ADD3: variants seen among roughly 807,000 people sequenced by gnomAD.
ADD3 encodes the protein gamma-adducin.
Under a neutral mutation model 80.2 loss-of-function variants are expected in ADD3, and 25 were observed. That is an observed-to-expected ratio of 0.31 (90% CI 0.23 to 0.44). ADD3 has a LOEUF of 0.44. Among genes scored for constraint, ADD3 ranks in the 20% least tolerant of loss-of-function variants. The pLI is 1.00. For missense variants in ADD3, 829 were observed against 847.5 expected (o/e 0.98, Z 0.27); for synonymous variants, 284 against 289.6 (o/e 0.98, Z 0.20).
In ADD3 at chr10:110,083,515, C is replaced by CAA. The variant is rs539312327; in HGVS notation, c.-29-17100_-29-17099dup. On this transcript the variant is annotated intron_variant, in intron 1 of 14. Transcript: ENST00000356080. ...TGGGTGACAGAGCAAGACTCCGTCTCAAAAAAAAAAAGAAAATAGAAGAAG... is the reference window on the plus strand; with the variant it reads ...TGGGTGACAGAGCAAGACTCCGTCTCAAAAAAAAAAAAAGAAAATAGAAGAAG... Among the ~76,000 whole-genome samples the CAA allele has an allele frequency of 1.3e-4, 18 of 135,428 alleles. No individual in the cohort carries two copies. In the South Asian group the frequency reaches 1.6e-3, roughly 12 times the overall value. 88.8% of individuals were successfully genotyped at this position (135,428 alleles called of 152,430 possible).
intron 1 of ADD3, among the ~76,000 whole-genome samples, chr10:110,087,427 T>C (rs1442114535): frequency 6.6e-6 from 1 of 152,248 alleles, no homozygotes; most frequent in Non-Finnish European, 1.5e-5. Flanking sequence ...GTTTCCGCTA[T>C]GATGGAAGCA....
intron 1 of ADD3, among the ~76,000 whole-genome samples, chr10:110,092,890 C>T (rs1156456785): frequency 6.6e-6 from 1 of 152,086 alleles, no homozygotes; most frequent in Non-Finnish European, 1.5e-5. Flanking sequence ...GACAGAGTCT[C>T]ACTCTGTCAC....
intron 1 of ADD3, among the ~76,000 whole-genome samples, chr10:110,030,480 A>G (rs1854878407): frequency 6.6e-6 from 1 of 151,486 alleles, no homozygotes; most frequent in Admixed American, 6.6e-5. Flanking sequence ...ATAGTAATCT[A>G]AGCAACTGGA....
chr10:110,022,111 T>A (rs926944462), intron 1 of ADD3, among the ~76,000 whole-genome samples: 3 of 152,174 alleles, frequency 2.0e-5, no homozygotes, highest in African/African-American at 7.2e-5. Flanking sequence ...TGGTTTGTGA[T>A]ACTTGATAAC....
At chr10:110,054,676 G>A (rs1857947746) in intron 1 of ADD3, among the ~76,000 whole-genome samples, 1 of 148,600 alleles carries the variant, frequency 6.7e-6, no homozygotes, top group South Asian at 2.1e-4. Context: ...GCAGTGGCAC[G>A]ATCTCCGCTC....
intron 1 of ADD3, among the ~76,000 whole-genome samples, chr10:110,049,683 C>G (rs184700812): frequency 2.0e-5 from 3 of 152,224 alleles, no homozygotes; most frequent in Admixed American, 2.0e-4. Context: ...GTCAGGAGAT[C>G]GAGACCATCC....
chr10:110,001,321 G>A (rs1181204778), upstream of ADD3, among the ~76,000 whole-genome samples: 2 of 151,712 alleles, frequency 1.3e-5, no homozygotes, highest in Admixed American at 6.6e-5. Flanking sequence ...AGGCTGAGGT[G>A]GGAGGATCGC....
At chr10:110,071,896 T>A (rs898921504) in intron 1 of ADD3, among the ~76,000 whole-genome samples, 24 of 150,424 alleles carry the variant, frequency 1.6e-4, no homozygotes, top group Non-Finnish European at 2.9e-4. Context: ...TACATTTTTT[T>A]ATCCAGAAAA....
intron 1 of ADD3, among the ~76,000 whole-genome samples, chr10:110,020,981 G>A (rs1387266808): frequency 6.6e-6 from 1 of 151,186 alleles, no homozygotes; most frequent in Non-Finnish European, 1.5e-5. Flanking sequence ...GCTATGAGGA[G>A]AGATCAGTGC....
At chr10:110,070,944 T>G (rs1277357570) in intron 1 of ADD3, among the ~76,000 whole-genome samples, 7 of 78,098 alleles carry the variant, frequency 9.0e-5, no homozygotes, top group Middle Eastern at 6.5e-3. Flanking sequence ...ATCATGTGGG[T>G]TTTTTTTTTT....
chr10:110,118,781 A>C (rs1213180668), intron 6 of ADD3, 45 bp downstream of exon 6: 4 of 1,584,308 alleles, frequency 2.5e-6, no homozygotes, highest in Non-Finnish European at 3.5e-6. Flanking sequence ...TGGAAGATGT[A>C]TTATTTTTGT....
At chr10:110,124,574 A>C (rs1042136555) in intron 10 of ADD3, among the ~76,000 whole-genome samples, 1 of 151,798 alleles carries the variant, frequency 6.6e-6, no homozygotes, top group African/African-American at 2.4e-5. Context: ...AGACAGTCTG[A>C]CTCTTGAGCC....
chr10:110,017,017 T>A (rs1008974765), intron 1 of ADD3, among the ~76,000 whole-genome samples: 1 of 152,218 alleles, frequency 6.6e-6, no homozygotes, highest in Non-Finnish European at 1.5e-5. Flanking sequence ...ACTTAATTAG[T>A]AATCATTTTT....
chr10:110,037,098 G>A (rs1855752175), intron 1 of ADD3, among the ~76,000 whole-genome samples: 1 of 152,142 alleles, frequency 6.6e-6, no homozygotes, highest in Non-Finnish European at 1.5e-5. Flanking sequence ...GGAAAGAATT[G>A]ACCATAGACC....
intron 1 of ADD3, among the ~76,000 whole-genome samples, chr10:110,061,589 G>C (rs946930033): frequency 1.3e-5 from 2 of 152,142 alleles, no homozygotes; most frequent in African/African-American, 4.8e-5. Flanking sequence ...GTAGAGGAAG[G>C]AATATCCATT....
chr10:110,111,976 C>T lies in ADD3; in HGVS notation c.196-801C>T, dbSNP rs115046391. Among the ~76,000 whole-genome samples, 1,149 of 152,040 alleles carry T rather than the reference C, an allele frequency of 7.6e-3. 14 individuals carry two copies. The highest frequency in any genetic ancestry group is 0.026 in the African/African-American group (1,092 of 41,472). On this transcript the variant is annotated intron_variant, in intron 2 of 14. Coordinates refer to ENST00000356080, the MANE Select transcript of ADD3 (RefSeq NM_016824.5). ...GTTGCAGAGAGTGATTAGAACTCAACTCTTATTAATTTGCTTTCAGAGTTT... is the reference window on the plus strand; with the variant it reads ...GTTGCAGAGAGTGATTAGAACTCAATTCTTATTAATTTGCTTTCAGAGTTT...
chr10:110,034,337 C>T (rs925624962), intron 1 of ADD3, among the ~76,000 whole-genome samples: 3 of 151,888 alleles, frequency 2.0e-5, no homozygotes, highest in Non-Finnish European at 2.9e-5. Context: ...TGACATATAT[C>T]TTGGGACATT....
chr10:110,039,241 A>G (rs1447751542), intron 1 of ADD3, among the ~76,000 whole-genome samples: 3 of 151,582 alleles, frequency 2.0e-5, no homozygotes, highest in African/African-American at 7.3e-5. Context: ...GTCCGCTACC[A>G]CCTCCTCCCA....
intron 1 of ADD3, among the ~76,000 whole-genome samples, chr10:110,053,979 G>A (rs1013581068): frequency 4.6e-5 from 7 of 152,318 alleles, no homozygotes; most frequent in Admixed American, 4.6e-4. Flanking sequence ...AATGGGAGAT[G>A]TGTATGCCAT....
Sources: gnomAD v4.1 joint callset for allele counts (sites outside exome capture counted in the v4.1 genomes callset) on GRCh38, gnomAD v4.1.1 for gene constraint, MANE v1.5 for transcripts, NCBI Gene and HGNC (gene_info 2026-07-23, HGNC 2026-07-21) for gene names.